The following NBAS variants were observed in gnomAD, a reference collection of about 807,000 sequenced individuals.
NBAS encodes the protein NBAS subunit of NRZ tethering complex, also known as NAG/BC035112 fusion.
NBAS carries 219 observed loss-of-function variants against 302.5 expected under a neutral mutation model. That is an observed-to-expected ratio of 0.72 (90% CI 0.65 to 0.81). The LOEUF (loss-of-function observed/expected upper bound fraction) is 0.81. Ranked by LOEUF, NBAS falls within the 30% of genes least tolerant of loss-of-function variation. The probability of loss-of-function intolerance (pLI) is 0.00; values close to 1 mark genes in which losing one functional copy is unlikely to be tolerated. For missense variants in NBAS, 2,932 were observed against 2,841.6 expected, an observed-to-expected ratio of 1.03 and a Z score of -0.72; for synonymous variants, 1,118 against 1,021.6, an observed-to-expected ratio of 1.09 and a Z score of -1.80.
chr2:15,313,382 T>C (rs1186543740), intron 38 of NBAS, among the ~76,000 whole-genome samples: 3 of 152,216 alleles, frequency 2.0e-5, no homozygotes, highest in Non-Finnish European at 2.9e-5. Flanking sequence ...TGCAAGAAGA[T>C]AGTATTATCT....
intron 14 of NBAS, among the ~76,000 whole-genome samples, chr2:15,474,724 C>A (rs2148586789): frequency 6.6e-6 from 1 of 152,202 alleles, no homozygotes; most frequent in East Asian, 1.9e-4. Flanking sequence ...CCACGCCCAG[C>A]CAATTTTTGT....
the NBAS span, among the ~76,000 whole-genome samples, chr2:14,872,265 G>A: frequency 6.6e-6 from 1 of 151,966 alleles, no homozygotes; most frequent in South Asian, 2.1e-4. Flanking sequence ...GAAAAATAGG[G>A]AAAGCCAGCA....
chr2:15,130,179 T>C, the NBAS span, among the ~76,000 whole-genome samples: 3 of 152,234 alleles, frequency 2.0e-5, no homozygotes, highest in Non-Finnish European at 4.4e-5. Context: ...TTCTTACACA[T>C]AGCATAATGT....
intron 44 of NBAS, among the ~76,000 whole-genome samples, chr2:15,264,336 A>G (rs1229291825): frequency 6.6e-6 from 1 of 152,192 alleles, no homozygotes; most frequent in Non-Finnish European, 1.5e-5. Context: ...CATGCTTTGC[A>G]GGAAGGAGAG....
At chr2:15,480,284 T>G in intron 12 of NBAS, among the ~76,000 whole-genome samples, 1 of 151,108 alleles carries the variant, frequency 6.6e-6, no homozygotes. Context: ...AAGGTTGCAG[T>G]AAGCTATGAT....
the NBAS span, among the ~76,000 whole-genome samples, chr2:14,859,483 T>C: frequency 2.6e-5 from 4 of 151,928 alleles, no homozygotes; most frequent in Non-Finnish European, 2.9e-5. Context: ...GGAACTGACA[T>C]TAAAACAGAC....
At chr2:15,308,601 T>C (rs1371932309) in intron 39 of NBAS, among the ~76,000 whole-genome samples, 1 of 152,228 alleles carries the variant, frequency 6.6e-6, no homozygotes, top group Non-Finnish European at 1.5e-5. Context: ...CTCTAGATAC[T>C]GACCAGGATC....
the NBAS span, among the ~76,000 whole-genome samples, chr2:14,912,007 TG>T: frequency 6.6e-6 from 1 of 152,232 alleles, no homozygotes; most frequent in Non-Finnish European, 1.5e-5. Flanking sequence ...CAAGCCTAGG[TG>T]GTGCAGCTTA....
In NBAS at chr2:15,202,190, C is replaced by T. The variant is rs184113484; in HGVS notation, c.6433-11787G>A. 3.3e-4 allele frequency among the ~76,000 whole-genome samples: 50 copies of T among 152,284 alleles called. No homozygotes were observed. The East Asian group carries it at 9.3e-3, about 28-fold the overall frequency. On this transcript the variant is annotated intron_variant, in intron 48 of 51. Coordinates refer to ENST00000281513, the MANE Select transcript of NBAS (RefSeq NM_015909.4). ...CAAGCAGCCTACACATCCGTGGGTACAGAAACATATCTAAACACACAGAAT... is the reference window on the plus strand; with the variant it reads ...CAAGCAGCCTACACATCCGTGGGTATAGAAACATATCTAAACACACAGAAT...
chr2:15,477,024 A>G (rs1413369463), intron 13 of NBAS, among the ~76,000 whole-genome samples: 1 of 152,170 alleles, frequency 6.6e-6, no homozygotes, highest in Admixed American at 6.5e-5. Flanking sequence ...GTAAATAAGA[A>G]ATTTCAAGAA....
At chr2:15,433,485 A>G (rs1418714405) in intron 21 of NBAS, among the ~76,000 whole-genome samples, 1 of 152,226 alleles carries the variant, frequency 6.6e-6, no homozygotes, top group Admixed American at 6.5e-5. Context: ...CTACTTTATG[A>G]TAAACAATAG....
chr2:14,985,736 T>C, the NBAS span, among the ~76,000 whole-genome samples: 3 of 152,202 alleles, frequency 2.0e-5, no homozygotes, highest in East Asian at 5.8e-4. Context: ...ATTCACTGAA[T>C]TTAAAAATAT....
chr2:14,968,353 G>C, the NBAS span, among the ~76,000 whole-genome samples: 1 of 152,112 alleles, frequency 6.6e-6, no homozygotes, highest in Non-Finnish European at 1.5e-5. Flanking sequence ...ATAACAATAA[G>C]GGTATGAAGA....
the NBAS span, among the ~76,000 whole-genome samples, chr2:14,971,178 T>C: frequency 1.3e-5 from 2 of 152,184 alleles, no homozygotes; most frequent in African/African-American, 4.8e-5. Context: ...ATTCATACAA[T>C]AGTTTTAAGC....
intron 42 of NBAS, among the ~76,000 whole-genome samples, chr2:15,284,509 G>A (rs1197661984): frequency 4.6e-5 from 7 of 152,168 alleles, no homozygotes; most frequent in Non-Finnish European, 1.5e-5. Context: ...ATTCGCAAAT[G>A]TGCTGATGCA....
At chr2:15,517,814 A>G (rs1558405777) in intron 9 of NBAS, among the ~76,000 whole-genome samples, 1 of 152,148 alleles carries the variant, frequency 6.6e-6, no homozygotes, top group East Asian at 1.9e-4. Context: ...CATTACCCTC[A>G]TGGTTGCATG....
the NBAS span, among the ~76,000 whole-genome samples, chr2:14,792,332 C>G: frequency 6.6e-6 from 1 of 152,174 alleles, no homozygotes; most frequent in Non-Finnish European, 1.5e-5. Flanking sequence ...CCTAGCCTAG[C>G]TAGTGCTCAG....
At chr2:15,111,357 C>T in the NBAS span, among the ~76,000 whole-genome samples, 1 of 152,116 alleles carries the variant, frequency 6.6e-6, no homozygotes, top group Non-Finnish European at 1.5e-5. Flanking sequence ...ATGAATCCCA[C>T]ATTGGGAGTG....
chr2:14,820,586 T>G, the NBAS span, among the ~76,000 whole-genome samples: 1 of 152,068 alleles, frequency 6.6e-6, no homozygotes. Context: ...ATGGAAAGAA[T>G]GAATAAGATT....
Sources: gnomAD v4.1 joint callset for allele counts (sites outside exome capture counted in the v4.1 genomes callset) on GRCh38, gnomAD v4.1.1 for gene constraint, MANE v1.5 for transcripts, NCBI Gene and HGNC (gene_info 2026-07-23, HGNC 2026-07-21) for gene names.